TRIM37: variants seen among roughly 807,000 people sequenced by gnomAD.
TRIM37 encodes E3 ubiquitin-protein ligase TRIM37.
TRIM37 carries 80 observed loss-of-function variants against 129.8 expected under a neutral mutation model. The ratio of observed to expected loss-of-function variants is 0.62; its 90% confidence interval spans 0.51 to 0.74. The LOEUF (loss-of-function observed/expected upper bound fraction) is 0.74, where lower values mean the gene tolerates loss of function less well. TRIM37 is among the 30% of genes least tolerant of loss of function. The pLI, the probability that TRIM37 is intolerant of heterozygous loss-of-function variation, is 0.00. For missense variants in TRIM37, 1,054 were observed against 1,176.5 expected (o/e 0.90, Z 1.52); for synonymous variants, 389 against 387.1 (o/e 1.00, Z -0.06).
In TRIM37 at chr17:59,084,038, C is replaced by CGT. The variant is rs1568206587; in HGVS notation, c.332_333insAC (p.Cys112ArgfsTer33). The CGT allele has an allele frequency of 6.2e-7, 1 of 1,613,910 alleles. No homozygotes were observed. Among genetic ancestry groups the CGT allele is most frequent in the East Asian group, 2.2e-5 (1 of 44,840 alleles). ...AAAGTGCACACTGATGGCAGATACA[C>CGT]TTCTTACAAGTCCAGCAAAATACAC... On this transcript the variant is annotated frameshift_variant, in exon 5 of 24. Coordinates refer to ENST00000262294, the MANE Select transcript of TRIM37 (RefSeq NM_015294.6). LOFTEE classifies it high-confidence loss of function.
chr17:59,053,661 G>T (rs544912100), intron 13 of TRIM37, among the ~76,000 whole-genome samples: 2 of 152,260 alleles, frequency 1.3e-5, no homozygotes, highest in African/African-American at 2.4e-5. Flanking sequence ...TCTTTTATAG[G>T]TTGGTAAAAT....
chr17:59,083,609 T>C (rs983253754), intron 5 of TRIM37, among the ~76,000 whole-genome samples: 12 of 152,048 alleles, frequency 7.9e-5, no homozygotes, highest in Non-Finnish European at 1.8e-4. Flanking sequence ...AATTATAAGA[T>C]CTAGATAGGC....
chr17:59,051,078 C>A (rs2040295353), intron 14 of TRIM37, 136 bp downstream of exon 14: 1 of 651,850 alleles, frequency 1.5e-6, no homozygotes, highest in African/African-American at 1.8e-5. Flanking sequence ...GGATGGGGAA[C>A]AAGATAACTA....
chr17:59,019,377 T>G (rs1436539310), intron 19 of TRIM37, among the ~76,000 whole-genome samples: 1 of 152,104 alleles, frequency 6.6e-6, no homozygotes, highest in Non-Finnish European at 1.5e-5. Flanking sequence ...TTAAGTGAAA[T>G]AAGCCAGACA....
intron 22 of TRIM37, among the ~76,000 whole-genome samples, 170 bp downstream of exon 22, chr17:59,012,158 A>G (rs1005838570): frequency 2.0e-5 from 3 of 151,926 alleles, no homozygotes; most frequent in African/African-American, 7.3e-5. Flanking sequence ...CATGTCGAAT[A>G]GCAGATCTCA....
At chr17:59,016,633 C>T (rs1427884629) in intron 20 of TRIM37, among the ~76,000 whole-genome samples, 1 of 120,870 alleles carries the variant, frequency 8.3e-6, no homozygotes, top group Admixed American at 9.4e-5. Context: ...AAAAAAAAGC[C>T]AGGTATGGCT....
downstream of TRIM37, among the ~76,000 whole-genome samples, chr17:58,995,075 G>T (rs557855236): frequency 6.6e-6 from 1 of 151,606 alleles, no homozygotes; most frequent in South Asian, 2.1e-4. Flanking sequence ...TTGAGACAGT[G>T]TCTCACTCTG....
rs2039857070 is a variant in TRIM37, at chr17:59,046,786, C to T, written c.1667+897G>A. Among the ~76,000 whole-genome samples, 4 of 150,954 alleles carry T rather than the reference C, an allele frequency of 2.6e-5. No individual in the cohort carries two copies. The South Asian group carries it at 8.4e-4, about 32-fold the overall frequency. Reference sequence around the variant, plus strand: ...GGATCTCCTGACCTCGTGATCCACCCGCCTCAGCCTCCCAGAGTGCTGGGA... The same window carrying T: ...GGATCTCCTGACCTCGTGATCCACCTGCCTCAGCCTCCCAGAGTGCTGGGA... On this transcript the variant is annotated intron_variant, in intron 16 of 23. Transcript: ENST00000262294.
chr17:59,047,134 C>T (rs1021880519), intron 16 of TRIM37, among the ~76,000 whole-genome samples: 3 of 148,240 alleles, frequency 2.0e-5, no homozygotes, highest in African/African-American at 7.5e-5. Context: ...GCCTGGGCGA[C>T]AGAGCGAGAC....
chr17:59,069,612 C>T (rs1478103196), intron 9 of TRIM37, among the ~76,000 whole-genome samples: 1 of 152,150 alleles, frequency 6.6e-6, no homozygotes, highest in Non-Finnish European at 1.5e-5. Flanking sequence ...CACCCCTCAT[C>T]ATAGAATAAG....
At chr17:59,021,401 CA>C (rs895388614) in intron 19 of TRIM37, among the ~76,000 whole-genome samples, 267 of 145,530 alleles carry the variant, frequency 1.8e-3, no homozygotes, top group Non-Finnish European at 2.9e-3. Flanking sequence ...TCTCAAAAAA[CA>C]AAAAAAAAAT....
At chr17:59,018,365 CAAT>C (rs1350644610) in intron 19 of TRIM37, among the ~76,000 whole-genome samples, 5 of 151,772 alleles carry the variant, frequency 3.3e-5, no homozygotes, top group Non-Finnish European at 5.9e-5. Flanking sequence ...TTGTAAAAAA[CAAT>C]AAAAATAAAA....
chr17:59,040,784 C>T lies in TRIM37; in HGVS notation c.1753+1029G>A, dbSNP rs111438462. Reference sequence around the variant, plus strand: ...ATGCCAGGCCGGGCGCGGTGGCTCACGCCTGTAATCCCAGCACTTTGGGAG... The same window carrying T: ...ATGCCAGGCCGGGCGCGGTGGCTCATGCCTGTAATCCCAGCACTTTGGGAG... On this transcript the variant is annotated intron_variant, in intron 17 of 23. Transcript: ENST00000262294. 8.7e-3 allele frequency among the ~76,000 whole-genome samples: 1,326 copies of T among 152,188 alleles called. 26 individuals carry two copies. Among genetic ancestry groups the T allele is most frequent in the African/African-American group, 0.029 (1,222 of 41,506 alleles).
intron 2 of TRIM37, among the ~76,000 whole-genome samples, chr17:59,102,601 C>T (rs556184188): frequency 1.2e-4 from 19 of 152,140 alleles, no homozygotes; most frequent in Non-Finnish European, 2.5e-4. Context: ...CCCTGTAAAG[C>T]AAATCATATC....
At chr17:59,056,709 ATGTCTCC>A in intron 13 of TRIM37, among the ~76,000 whole-genome samples, 159 bp downstream of exon 13, 1 of 113,306 alleles carries the variant, frequency 8.8e-6, no homozygotes, top group Non-Finnish European at 1.8e-5. Flanking sequence ...GAGCGAGACT[ATGTCTCC>A]AAAAAAAAAA....
Position 59,001,682 on chromosome 17 carries a change from T to C in TRIM37, c.2728A>G (p.Thr910Ala). The part of the protein sequence containing the change: ...MSSDSDIECD[T>A]ENEEQEEHTS... Reference sequence around the variant, plus strand: ...TGCTCTTCCTGCTCCTCATTCTCAGTGTCACATTCAATGTCACTGTCGCTA... The same window carrying C: ...TGCTCTTCCTGCTCCTCATTCTCAGCGTCACATTCAATGTCACTGTCGCTA... Residue 910 changes from threonine (T) to alanine (A), a missense_variant, in exon 23 of 24, where the codon ACT becomes GCT. Thr to Ala is a moderately conservative substitution (Grantham distance 58). Transcript: ENST00000262294. The C allele has an allele frequency of 6.2e-7, 1 of 1,614,048 alleles. No individual in the cohort carries two copies. Among genetic ancestry groups the C allele is most frequent in the Non-Finnish European group, 8.5e-7 (1 of 1,179,992 alleles).
intron 13 of TRIM37, among the ~76,000 whole-genome samples, chr17:59,051,675 A>G (rs935978721): frequency 6.6e-6 from 1 of 152,142 alleles, no homozygotes; most frequent in Non-Finnish European, 1.5e-5. Context: ...TTCCTCCTAT[A>G]AGGAGGAAGA....
intron 8 of TRIM37, among the ~76,000 whole-genome samples, chr17:59,071,560 C>T (rs908336004): frequency 4.6e-5 from 7 of 152,098 alleles, no homozygotes; most frequent in Admixed American, 6.5e-5. Context: ...GCTGGGATTA[C>T]ATGCGTGAGC....
intron 13 of TRIM37, 111 bp from the exon 14 acceptor site, chr17:59,051,439 T>A (rs558799689): frequency 2.7e-6 from 2 of 744,884 alleles, no homozygotes; most frequent in East Asian, 5.4e-5. Flanking sequence ...AAAATTCACA[T>A]AAACTTAGAG....
Sources: gnomAD v4.1 joint callset for allele counts (sites outside exome capture counted in the v4.1 genomes callset) on GRCh38, gnomAD v4.1.1 for gene constraint, MANE v1.5 for transcripts, NCBI Gene and HGNC (gene_info 2026-07-23, HGNC 2026-07-21) for gene names.